Variants in CYP4Z1 observed in about 807,000 individuals in gnomAD.
CYP4Z1 encodes the protein cytochrome P450 4Z1.
In CYP4Z1, 41 loss-of-function variants were observed where a neutral mutation model predicts 54.2. That is an observed-to-expected ratio of 0.76 (90% CI 0.59 to 0.98). CYP4Z1 has a LOEUF of 0.98. Ranked by LOEUF, CYP4Z1 falls within the 50% of genes least tolerant of loss-of-function variation. The pLI is 0.00. For missense variants in CYP4Z1, 513 were observed against 599.0 expected, an observed-to-expected ratio of 0.86 and a Z score of 1.50; for synonymous variants, 163 against 206.2, an observed-to-expected ratio of 0.79 and a Z score of 1.79.
chr1:47,111,386 T>C (rs1209250755), intron 9 of CYP4Z1, among the ~76,000 whole-genome samples: 1 of 152,182 alleles, frequency 6.6e-6, no homozygotes, highest in Non-Finnish European at 1.5e-5. Flanking sequence ...GGTTTCACCG[T>C]GTTAGCCACG....
intron 4 of CYP4Z1, among the ~76,000 whole-genome samples, chr1:47,084,111 T>C (rs1644574833): frequency 6.6e-6 from 1 of 152,166 alleles, no homozygotes; most frequent in African/African-American, 2.4e-5. Context: ...TGAATTCTAA[T>C]ATATAGTTGA....
intron 7 of CYP4Z1, chr1:47,096,826 C>A (rs1337519888): frequency 6.6e-6 from 1 of 152,028 alleles, no homozygotes; most frequent in Non-Finnish European, 1.5e-5. Flanking sequence ...GACGGGGTTT[C>A]ACCATATTGG....
chr1:47,082,420 A>C lies in CYP4Z1; in HGVS notation c.451A>C (p.Ile151Leu). Reference protein sequence around the residue: ...KPGFNISILKIFITMMSESVR... With the variant: ...KPGFNISILKLFITMMSESVR... ...TGGCTTCAACATCAGCATTCTGAAA[A>C]TATTCATCACCATGATGTCTGAGAG... Residue 151 changes from isoleucine (I) to leucine (L), a missense_variant, in exon 4 of 12, where the codon ATA becomes CTA. Coordinates refer to ENST00000334194, the MANE Select transcript of CYP4Z1 (RefSeq NM_178134.3). The C allele has an allele frequency of 4.3e-6, 7 of 1,613,758 alleles. No individual in the cohort carries two copies. The highest frequency in any genetic ancestry group is 5.9e-6 in the Non-Finnish European group (7 of 1,179,880).
Position 47,099,096 on chromosome 1 carries a change from C to T in CYP4Z1, c.879C>T (p.Ser293=), listed in dbSNP as rs531653571. Residue 293 remains serine, a splice_region_variant and synonymous_variant, in exon 8 of 12, where the codon AGC becomes AGT. Coordinates refer to ENST00000334194, the MANE Select transcript of CYP4Z1 (RefSeq NM_178134.3). ...AAGATCATCACTGTATTTTTTAGAG[C>T]GAAAACACCAAAGATTTCTCTGAAG... The part of the protein sequence containing the change: ...DFLDILLSAK[S]ENTKDFSEAD... The T allele has an allele frequency of 5.5e-4, 894 of 1,613,920 alleles. 18 individuals carry two copies. In the South Asian group the frequency reaches 8.9e-3, roughly 16 times the overall value.
At chr1:47,104,615 A>T (rs1644744137) in intron 8 of CYP4Z1, among the ~76,000 whole-genome samples, 1 of 152,170 alleles carries the variant, frequency 6.6e-6, no homozygotes, top group Admixed American at 6.5e-5. Flanking sequence ...ATGTGGGTGG[A>T]TACCAGCTGT....
chr1:47,079,182 G>A lies in CYP4Z1; in HGVS notation c.320-1441G>A, dbSNP rs1644546189. On this transcript the variant is annotated intron_variant, in intron 2 of 11. Transcript: ENST00000334194. ...CCATTCTGCTTTCTCTAGGATCCAG[G>A]AAACAGAACCCACTGAGAATGCAGG... 2.6e-5 allele frequency among the ~76,000 whole-genome samples: 4 copies of A among 152,256 alleles called. No homozygotes were observed. In the South Asian group the frequency reaches 8.3e-4, roughly 32 times the overall value.
chr1:47,061,454 C>G, the CYP4Z1 span, among the ~76,000 whole-genome samples: 1 of 152,170 alleles, frequency 6.6e-6, no homozygotes, highest in African/African-American at 2.4e-5. Flanking sequence ...AATTTCTGGA[C>G]ACATACACCT....
rs1340072298 is a variant in CYP4Z1 at position 47,115,536 on chromosome 1, T to C, written c.1209T>C (p.Thr403=). 4 of 1,613,246 alleles carry C rather than the reference T, an allele frequency of 2.5e-6. No homozygotes were observed. Among genetic ancestry groups the C allele is most frequent in the Non-Finnish European group, 3.4e-6 (4 of 1,179,656 alleles). The change falls in exon 10 of 12, where the codon ACT becomes ACC. Residue 403 remains threonine (T), a synonymous_variant. Transcript: ENST00000334194. ...TTTCTTCTGTTTACTCAGGAATAAC[T>C]GTGTTTATCAATATTTGGGCTCTTC... The part of the protein sequence containing the change: ...PDGRSLPAGI[T]VFINIWALHH...
chr1:47,099,569 A>G (rs1388162444), intron 8 of CYP4Z1, among the ~76,000 whole-genome samples: 1 of 152,136 alleles, frequency 6.6e-6, no homozygotes, highest in African/African-American at 2.4e-5. Flanking sequence ...TTTTTATGTC[A>G]CGGAAGGCAG....
chr1:47,057,355 T>A, the CYP4Z1 span, among the ~76,000 whole-genome samples: 13,314 of 92,776 alleles, frequency 0.14, 2,465 homozygotes, highest in East Asian at 0.44. Flanking sequence ...TATATATATA[T>A]ATATATATAT....
intron 8 of CYP4Z1, among the ~76,000 whole-genome samples, chr1:47,103,678 T>C (rs1644737342): frequency 6.8e-6 from 1 of 147,420 alleles, no homozygotes; most frequent in African/African-American, 2.5e-5. Flanking sequence ...CACTGCATTC[T>C]CCACCTCCCG....
At chr1:47,086,850 C>T (rs1644599085) in intron 6 of CYP4Z1, among the ~76,000 whole-genome samples, 1 of 152,036 alleles carries the variant, frequency 6.6e-6, no homozygotes, top group Non-Finnish European at 1.5e-5. Context: ...ATCTTTAATC[C>T]ATCTTGAATT....
rs201141014 is a variant in CYP4Z1 at position 47,116,659 on chromosome 1, C to T, written c.1276C>T (p.Pro426Ser). 6.2e-7 allele frequency: 1 copy of T among 1,608,150 alleles called. No homozygotes were observed. The highest frequency in any genetic ancestry group is 2.2e-5 in the East Asian group (1 of 44,794). The change falls in exon 11 of 12, where the codon CCC (proline) becomes TCC (serine). Residue 426 changes from proline to serine, a missense_variant. Coordinates refer to ENST00000334194, the MANE Select transcript of CYP4Z1 (RefSeq NM_178134.3). ...YFWEDPQVFN[P>S]LRFSRENSEK... Reference sequence around the variant, plus strand: ...TTCACTCTCATTACAGGTCTTTAACCCCTTGAGATTCTCCAGGGAAAATTC... The same window carrying T: ...TTCACTCTCATTACAGGTCTTTAACTCCTTGAGATTCTCCAGGGAAAATTC...
chr1:47,094,607 C>T lies in CYP4Z1; in HGVS notation c.814C>T (p.Leu272=). ...QDRKESLKDK[L]KQDTTQKRRW... ...CCGGAAGGAGTCTCTTAAGGATAAG[C>T]TAAAACAAGATACTACTCAGAAAAG... Residue 272 remains leucine (L), a synonymous_variant, in exon 7 of 12, where the codon CTA becomes TTA. Coordinates refer to ENST00000334194, the MANE Select transcript of CYP4Z1 (RefSeq NM_178134.3). 6.2e-7 allele frequency: 1 copy of T among 1,609,132 alleles called. No individual in the cohort carries two copies. The highest frequency in any genetic ancestry group is 1.1e-5 in the South Asian group (1 of 89,710).
chr1:47,087,319 AC>A (rs770383871), intron 6 of CYP4Z1, among the ~76,000 whole-genome samples: 1 of 152,154 alleles, frequency 6.6e-6, no homozygotes, highest in Non-Finnish European at 1.5e-5. Context: ...GATTCTTCCT[AC>A]CCATGAGCAT....
In CYP4Z1 at chr1:47,082,414, C is replaced by T; in HGVS notation, c.445C>T (p.Leu149=). The change falls in exon 4 of 12, where the codon CTG becomes TTG. Residue 149 remains leucine (L), a synonymous_variant. Coordinates refer to ENST00000334194, the MANE Select transcript of CYP4Z1 (RefSeq NM_178134.3). The part of the protein sequence containing the change: ...IVKPGFNISI[L]KIFITMMSES... ...GAAACCTGGCTTCAACATCAGCATT[C>T]TGAAAATATTCATCACCATGATGTC... 2 of 1,613,774 alleles carry T rather than the reference C, an allele frequency of 1.2e-6. No homozygotes were observed. Among genetic ancestry groups the T allele is most frequent in the South Asian group, 2.2e-5 (2 of 90,990 alleles).
At chr1:47,088,985 GC>G (rs1644618288) in intron 6 of CYP4Z1, among the ~76,000 whole-genome samples, 1 of 149,112 alleles carries the variant, frequency 6.7e-6, no homozygotes, top group Non-Finnish European at 1.5e-5. Context: ...AAATATTTGT[GC>G]TTTGGTTAGA....
chr1:47,115,914 G>A (rs1644826739), intron 10 of CYP4Z1, among the ~76,000 whole-genome samples: 1 of 152,178 alleles, frequency 6.6e-6, no homozygotes, highest in South Asian at 2.1e-4. Flanking sequence ...TCACAGACTT[G>A]TGAAGTGTAT....
chr1:47,083,654 CA>C (rs1402391086), intron 4 of CYP4Z1, among the ~76,000 whole-genome samples: 2 of 152,156 alleles, frequency 1.3e-5, no homozygotes, highest in Non-Finnish European at 2.9e-5. Flanking sequence ...GATCATAAGG[CA>C]GATTAGAGGA....
Sources: gnomAD v4.1 joint callset for allele counts (sites outside exome capture counted in the v4.1 genomes callset) on GRCh38, gnomAD v4.1.1 for gene constraint, MANE v1.5 for transcripts, NCBI Gene and HGNC (gene_info 2026-07-23, HGNC 2026-07-21) for gene names.